Variants in FRS2 observed in about 807,000 individuals in gnomAD.
FRS2 encodes fibroblast growth factor receptor substrate 2.
A neutral mutation model predicts 43.9 loss-of-function variants in FRS2; 8 were observed. That is an observed-to-expected ratio of 0.18 (90% CI 0.11 to 0.33). The LOEUF is 0.33. Among genes scored for constraint, FRS2 ranks in the 10% least tolerant of loss-of-function variants. The probability of loss-of-function intolerance (pLI) is 1.00; values close to 1 mark genes in which losing one functional copy is unlikely to be tolerated. For missense variants in FRS2, 534 were observed against 627.6 expected, an observed-to-expected ratio of 0.85 and a Z score of 1.59; for synonymous variants, 219 against 220.3, an observed-to-expected ratio of 0.99 and a Z score of 0.05.
rs1307085660 is a variant in FRS2, at chr12:69,575,238, T to C, written c.*283T>C. On this transcript the variant is annotated 3_prime_UTR_variant, in exon 9 of 9. Coordinates refer to ENST00000549921, the MANE Select transcript of FRS2 (RefSeq NM_001278356.2). Reference sequence around the variant, plus strand: ...TAAATGACATGCTGGTTGATTTTTATCAATATTCTGGACTTAACGCATACC... The same window carrying C: ...TAAATGACATGCTGGTTGATTTTTACCAATATTCTGGACTTAACGCATACC... 5 of 376,144 alleles carry C rather than the reference T, an allele frequency of 1.3e-5. No individual in the cohort carries two copies. Among genetic ancestry groups the C allele is most frequent in the African/African-American group, 4.1e-5 (2 of 48,690 alleles). The allele number at this position is 376,144 out of a possible 1,614,324, so 23.3% of individuals were successfully genotyped here.
In FRS2 at chr12:69,552,002, A is replaced by G. The variant is rs56795298; in HGVS notation, c.-121-10178A>G. ...CTTTCTCAGTGGTATATAAAATATC[A>G]GTCTTAAAATCAGTCATCTCTGGCC... On this transcript the variant is annotated intron_variant, in intron 3 of 8. Coordinates refer to ENST00000549921, the MANE Select transcript of FRS2 (RefSeq NM_001278356.2). 4.6e-3 allele frequency among the ~76,000 whole-genome samples: 707 copies of G among 152,166 alleles called. 8 individuals carry two copies. The highest frequency in any genetic ancestry group is 0.017 in the African/African-American group (698 of 41,526).
chr12:69,542,854 T>A (rs1878038404), intron 3 of FRS2, among the ~76,000 whole-genome samples: 1 of 152,214 alleles, frequency 6.6e-6, no homozygotes, highest in South Asian at 2.1e-4. Context: ...TATCTTCACC[T>A]TCACCCAGGC....
chr12:69,528,905 TC>T (rs1200265039), intron 1 of FRS2, among the ~76,000 whole-genome samples: 2 of 152,158 alleles, frequency 1.3e-5, no homozygotes, highest in African/African-American at 4.8e-5. Context: ...AGTCCTGAGA[TC>T]CTGAAGTGAG....
chr12:69,535,647 G>A (rs536065), intron 3 of FRS2, among the ~76,000 whole-genome samples: 114,938 of 152,032 alleles, frequency 0.76, 43,964 homozygotes, highest in East Asian at 0.92. Flanking sequence ...AAAGAATGCA[G>A]CTTTTTCGGT....
chr12:69,477,916 A>G (rs1870980273), intron 1 of FRS2, among the ~76,000 whole-genome samples: 1 of 145,810 alleles, frequency 6.9e-6, no homozygotes, highest in South Asian at 2.2e-4. Context: ...AATTTTTTGT[A>G]TTTTTTAGTA....
At chr12:69,555,958 T>C (rs1370449670) in intron 3 of FRS2, among the ~76,000 whole-genome samples, 4 of 150,006 alleles carry the variant, frequency 2.7e-5, no homozygotes, top group Non-Finnish European at 4.5e-5. Flanking sequence ...TTTTGGGGGT[T>C]ATAGTTGCTT....
At chr12:69,498,943 A>G (rs1178098890) in intron 1 of FRS2, among the ~76,000 whole-genome samples, 2 of 152,190 alleles carry the variant, frequency 1.3e-5, no homozygotes, top group African/African-American at 4.8e-5. Context: ...TAACAACTTT[A>G]TGAGGTATTA....
At chr12:69,472,084 T>C (rs1048789050) in intron 1 of FRS2, among the ~76,000 whole-genome samples, 2 of 152,084 alleles carry the variant, frequency 1.3e-5, no homozygotes, top group African/African-American at 4.8e-5. Context: ...CCTCTTCCTT[T>C]CTTTTCTTTT....
intron 4 of FRS2, among the ~76,000 whole-genome samples, chr12:69,563,625 T>C (rs1362648561): frequency 2.0e-5 from 3 of 152,208 alleles, no homozygotes; most frequent in Non-Finnish European, 4.4e-5. Flanking sequence ...AACAGCATAA[T>C]CTTGCCTCTG....
intron 1 of FRS2, among the ~76,000 whole-genome samples, chr12:69,523,035 C>T (rs1390335994): frequency 2.0e-5 from 3 of 152,058 alleles, no homozygotes; most frequent in Admixed American, 6.5e-5. Context: ...TGCCGTATGG[C>T]GATAAGAAGA....
In FRS2 at chr12:69,574,345, A is replaced by G. The variant is rs777028385; in HGVS notation, c.917A>G (p.Tyr306Cys). ...RDAPSVNKLV[Y>C]ENINGLSIPS... ...GCACCCTCTGTTAACAAACTGGTGT[A>G]TGAAAATATAAATGGGCTATCTATC... is the stretch of plus-strand genomic sequence containing the variant. The change falls in exon 9 of 9, where the codon TAT (tyrosine) becomes TGT (cysteine). Residue 306 changes from tyrosine (Y) to cysteine (C), a missense_variant. This residue lies in a region of FRS2 where 446 missense variants were observed against 494.2 expected (regional missense o/e 0.90). Coordinates refer to ENST00000549921, the MANE Select transcript of FRS2 (RefSeq NM_001278356.2). The G allele has an allele frequency of 6.2e-7, 1 of 1,614,030 alleles. No homozygotes were observed.
chr12:69,573,872 G>T, intron 8 of FRS2, 133 bp from the exon 9 acceptor site: 2 of 569,664 alleles, frequency 3.5e-6, no homozygotes, highest in Non-Finnish European at 6.0e-6. Context: ...CAAAAGTTTT[G>T]AAGTAAGAGT....
chr12:69,557,594 T>A (rs902758174), intron 3 of FRS2, among the ~76,000 whole-genome samples: 1 of 137,026 alleles, frequency 7.3e-6, no homozygotes, highest in Admixed American at 7.2e-5. Context: ...TGAAGGTTGA[T>A]TGTGTGTGTG....
intron 1 of FRS2, among the ~76,000 whole-genome samples, chr12:69,513,322 T>G (rs369937387): frequency 2.0e-5 from 3 of 152,188 alleles, no homozygotes; most frequent in African/African-American, 7.2e-5. Context: ...TATGCTTGAT[T>G]TTGTTCATAT....
chr12:69,570,529 G>GT lies in FRS2; in HGVS notation c.253+20dup, dbSNP rs201673710. The GT allele has an allele frequency of 1.2e-4, 184 of 1,521,444 alleles. No homozygotes were observed. Among genetic ancestry groups the GT allele is most frequent in the East Asian group, 3.8e-4 (17 of 44,264 alleles). 94.2% of individuals were successfully genotyped at this position (1,521,444 alleles called of 1,614,324 possible). On this transcript the variant is annotated intron_variant, in intron 6 of 8. Transcript: ENST00000549921. ...TCAAACTGGACAAGGTAGAACCTTTGTTTTTTTTCCCAAATATTGTATTTG... is the reference window on the plus strand; with the variant it reads ...TCAAACTGGACAAGGTAGAACCTTTGTTTTTTTTTCCCAAATATTGTATTTG...
chr12:69,527,608 G>T (rs1241354903), intron 1 of FRS2, among the ~76,000 whole-genome samples: 1 of 151,934 alleles, frequency 6.6e-6, no homozygotes, highest in African/African-American at 2.4e-5. Flanking sequence ...AGACAAACTG[G>T]GATTTGGAAT....
chr12:69,568,018 C>T (rs906287084), intron 4 of FRS2, among the ~76,000 whole-genome samples: 9 of 152,150 alleles, frequency 5.9e-5, no homozygotes. Context: ...GCTTCCTTCC[C>T]TCCTCCTTTT....
chr12:69,507,028 A>T (rs947173867), intron 1 of FRS2, among the ~76,000 whole-genome samples: 4 of 152,114 alleles, frequency 2.6e-5, no homozygotes, highest in Non-Finnish European at 4.4e-5. Context: ...CTGCAGAGAG[A>T]CCCCACCAGC....
chr12:69,564,397 C>A (rs1277812040), intron 4 of FRS2, among the ~76,000 whole-genome samples: 6 of 152,058 alleles, frequency 3.9e-5, no homozygotes, highest in Non-Finnish European at 8.8e-5. Flanking sequence ...TAATGTTTTA[C>A]CTTCTCCCTC....
Sources: gnomAD v4.1 joint callset for allele counts (sites outside exome capture counted in the v4.1 genomes callset) on GRCh38, gnomAD v4.1.1 for gene constraint, gnomAD v4.1.1 regional missense constraint, MANE v1.5 for transcripts, NCBI Gene and HGNC (gene_info 2026-07-23, HGNC 2026-07-21) for gene names.